The following KLHL38 variants were observed in gnomAD, a reference collection of about 807,000 sequenced individuals.
The protein encoded by KLHL38 is kelch like family member 38.
Under a neutral mutation model 39.6 loss-of-function variants are expected in KLHL38, and 38 were observed. That is an observed-to-expected ratio of 0.96 (90% CI 0.74 to 1.26). The LOEUF (loss-of-function observed/expected upper bound fraction) is 1.26. Ranked by LOEUF, KLHL38 falls within the 50% of genes most tolerant of loss-of-function variation. The pLI is 0.00. For synonymous variants in KLHL38, 322 were observed against 302.2 expected, an observed-to-expected ratio of 1.07 and a Z score of -0.68; for missense variants, 803 against 748.1, an observed-to-expected ratio of 1.07 and a Z score of -0.86.
intron 1 of KLHL38, among the ~76,000 whole-genome samples, chr8:123,653,129 G>A (rs1291261964): frequency 3.3e-5 from 5 of 152,122 alleles, no homozygotes. Flanking sequence ...GCCCTTTTGG[G>A]TTATGGTTAT....
At chr8:123,651,389 T>C (rs1812640120) in intron 2 of KLHL38, among the ~76,000 whole-genome samples, 188 bp downstream of exon 2, 1 of 152,276 alleles carries the variant, frequency 6.6e-6, no homozygotes, top group South Asian at 2.1e-4. Flanking sequence ...AATATACATT[T>C]CTGCATATAT....
At chr8:123,646,869 AAGTTTGTGTCACGCCC>A (rs1818672525) in intron 3 of KLHL38, 24 bp downstream of exon 3, 4 of 1,411,640 alleles carry the variant, frequency 2.8e-6, no homozygotes, top group Non-Finnish European at 4.0e-6. Context: ...AGAAGGTGCC[AAGTTTGTGTCACGCCC>A]AGTGATCCTC....
chr8:123,646,262 A>C (rs1414151880), intron 3 of KLHL38, among the ~76,000 whole-genome samples: 1 of 152,230 alleles, frequency 6.6e-6, no homozygotes, highest in Non-Finnish European at 1.5e-5. Context: ...CATATAAGCC[A>C]TTCTTAGATT....
At position 123,652,534 on chromosome 8, in the gene KLHL38, C is replaced by G. The variant is rs754920116; in HGVS notation, c.393G>C (p.Leu131Phe). The change falls in exon 2 of 4, where the codon TTG (leucine) becomes TTC (phenylalanine). Residue 131 changes from leucine to phenylalanine, a missense_variant. Physicochemically the swap from Leu to Phe is conservative, Grantham distance 22 (BLOSUM62 0). Coordinates refer to ENST00000684634, the MANE Select transcript of KLHL38 (RefSeq NM_001081675.3). ...TCATACCCAGGCAGTTGCTGGGGGCCAACTGGCTCTGCAAGTACGAGGAGC... is the reference window on the plus strand; with the variant it reads ...TCATACCCAGGCAGTTGCTGGGGGCGAACTGGCTCTGCAAGTACGAGGAGC... ...EACSSYLQSQ[L>F]APSNCLGMIR... 11 of 1,614,208 alleles carry G rather than the reference C, an allele frequency of 6.8e-6. No homozygotes were observed. Among genetic ancestry groups the G allele is most frequent in the Non-Finnish European group, 9.3e-6 (11 of 1,180,040 alleles).
Position 123,651,983 on chromosome 8 carries a change from A to G in KLHL38, c.944T>C (p.Leu315Pro). The G allele has an allele frequency of 6.2e-7, 1 of 1,614,244 alleles. No homozygotes were observed. Among genetic ancestry groups the G allele is most frequent in the East Asian group, 2.2e-5 (1 of 44,890 alleles). Residue 315 changes from leucine (L) to proline (P), a missense_variant, in exon 2 of 4, where the codon CTT becomes CCT. Physicochemically the swap from Leu to Pro is moderately conservative, Grantham distance 98 (BLOSUM62 -3). Coordinates refer to ENST00000684634, the MANE Select transcript of KLHL38 (RefSeq NM_001081675.3). The stretch of plus-strand genomic sequence containing the variant: ...GTACAGCCGTGTCGGGAGTTTGGCA[A>G]GGCTCTGCCATTGGCCGGTCTGTTT... ...YSKQTGQWQS[L>P]AKLPTRLYKA...
At position 123,652,144 on chromosome 8, in the gene KLHL38, A is replaced by G. The variant is rs760453731; in HGVS notation, c.783T>C (p.Ser261=). 1 of 1,614,202 alleles carries G rather than the reference A, an allele frequency of 6.2e-7. No individual in the cohort carries two copies. The highest frequency in any genetic ancestry group is 8.5e-7 in the Non-Finnish European group (1 of 1,180,036). Reference sequence around the variant, plus strand: ...AGTCTGGGACGGTGGTGCCACACAAAGAGAACATCTGTCTCTTGGCGGTCT... The same window carrying G: ...AGTCTGGGACGGTGGTGCCACACAAGGAGAACATCTGTCTCTTGGCGGTCT... The part of the protein sequence containing the change: ...ILETAKRQMF[S]LCGTTVPDCK... Residue 261 remains serine, a synonymous_variant, in exon 2 of 4, where the codon TCT becomes TCC. Coordinates refer to ENST00000684634, the MANE Select transcript of KLHL38 (RefSeq NM_001081675.3).
chr8:123,648,654 T>C lies in KLHL38; in HGVS notation c.1351-1640A>G, dbSNP rs370263545. Reference sequence around the variant, plus strand: ...CATGCTCATAATACCCCAAAGAGGCTGGGGCAAGGATAACAAAGGATGATC... The same window carrying C: ...CATGCTCATAATACCCCAAAGAGGCCGGGGCAAGGATAACAAAGGATGATC... On this transcript the variant is annotated intron_variant, in intron 2 of 3. Transcript: ENST00000684634. 1.2e-4 allele frequency among the ~76,000 whole-genome samples: 19 copies of C among 152,288 alleles called. No homozygotes were observed. In the East Asian group the frequency reaches 3.3e-3, roughly 26 times the overall value.
In KLHL38 at chr8:123,651,952, GGCCTTGTACAGCC is replaced by G. The variant is rs754827752; in HGVS notation, c.962_974del (p.Arg321ProfsTer34). Reference sequence around the variant, plus strand: ...TGCTGCGGTGCAAGGTGATGGCAGAGGCCTTGTACAGCCGTGTCGGGAGTTTGGCAAGGCTCTG... The same window carrying G: ...TGCTGCGGTGCAAGGTGATGGCAGAGGTGTCGGGAGTTTGGCAAGGCTCTG... On this transcript the variant is annotated frameshift_variant, in exon 2 of 4. Coordinates refer to ENST00000684634, the MANE Select transcript of KLHL38 (RefSeq NM_001081675.3). LOFTEE classifies it high-confidence loss of function. The G allele has an allele frequency of 3.1e-6, 5 of 1,614,154 alleles. No individual in the cohort carries two copies. The South Asian group carries it at 5.5e-5, about 18-fold the overall frequency.
rs375911922 is a variant in KLHL38 at position 123,645,016 on chromosome 8, A to AG, written c.*722dup. On this transcript the variant is annotated 3_prime_UTR_variant, in exon 4 of 4. Transcript: ENST00000684634. Reference sequence around the variant, plus strand: ...AGAGGAAAACCTAGGGATGAGAGAGAGGAAGACAGAGGGGAGACTGAGAGA... The same window carrying AG: ...AGAGGAAAACCTAGGGATGAGAGAGAGGGAAGACAGAGGGGAGACTGAGAGA... Among the ~76,000 whole-genome samples the AG allele has an allele frequency of 0.04, 5,755 of 144,768 alleles. 161 individuals carry two copies. The highest frequency in any genetic ancestry group is 0.061 in the Non-Finnish European group (4,030 of 66,494). The allele number at this position is 144,768 out of a possible 152,430, so 95.0% of individuals were successfully genotyped here.
rs1333590867 is a variant in KLHL38, at chr8:123,651,813, C to T, written c.1114G>A (p.Ala372Thr). 1.9e-6 allele frequency: 3 copies of T among 1,614,008 alleles called. No homozygotes were observed. Among genetic ancestry groups the T allele is most frequent in the Non-Finnish European group, 2.5e-6 (3 of 1,180,032 alleles). The change falls in exon 2 of 4, where the codon GCC (alanine) becomes ACC (threonine). Residue 372 changes from alanine to threonine, a missense_variant. Physicochemically the swap from Ala to Thr is moderately conservative, Grantham distance 58. Coordinates refer to ENST00000684634, the MANE Select transcript of KLHL38 (RefSeq NM_001081675.3). Reference protein sequence around the residue: ...QWRLGEPMLVARYSHRSTAHK... With the variant: ...QWRLGEPMLVTRYSHRSTAHK... ...GCAGTGCTTCTGTGGGAGTAGCGGG[C>T]CACCAGCATGGGCTCCCCCAGCCTC...
chr8:123,645,637 G>A lies in KLHL38; in HGVS notation c.*102C>T, dbSNP rs1818648543. The stretch of plus-strand genomic sequence containing the variant: ...CCCGACTCTGGTACCTCAGTCTTGT[G>A]AGCTCTCCCTGCAGCCTTTAAGGGT... On this transcript the variant is annotated 3_prime_UTR_variant, in exon 4 of 4. Transcript: ENST00000684634. 5.3e-6 allele frequency: 7 copies of A among 1,322,012 alleles called. No homozygotes were observed. The South Asian group carries it at 9.4e-5, about 18-fold the overall frequency. The allele number at this position is 1,322,012 out of a possible 1,614,324, so 81.9% of individuals were successfully genotyped here.
At chr8:123,646,430 G>A (rs1818666468) in intron 3 of KLHL38, among the ~76,000 whole-genome samples, 1 of 152,148 alleles carries the variant, frequency 6.6e-6, no homozygotes, top group African/African-American at 2.4e-5. Context: ...TCGTTTTATG[G>A]ATGGACAAAC....
intron 2 of KLHL38, among the ~76,000 whole-genome samples, chr8:123,651,181 G>A (rs982064291): frequency 2.0e-5 from 3 of 152,082 alleles, no homozygotes; most frequent in African/African-American, 7.2e-5. Flanking sequence ...GTTGGTATGT[G>A]TGTACATGGG....
chr8:123,651,787 G>A lies in KLHL38; in HGVS notation c.1140C>T (p.Ala380=), dbSNP rs770149372. ...CGATGGAGAAGATGAAGTTCTTATGGGCAGTGCTTCTGTGGGAGTAGCGGG... is the reference window on the plus strand; with the variant it reads ...CGATGGAGAAGATGAAGTTCTTATGAGCAGTGCTTCTGTGGGAGTAGCGGG... ...LVARYSHRST[A]HKNFIFSIGG... is the part of the protein sequence containing the mutation. The change falls in exon 2 of 4, where the codon GCC becomes GCT. Residue 380 remains alanine (A), a synonymous_variant. Transcript: ENST00000684634. 4 of 1,614,148 alleles carry A rather than the reference G, an allele frequency of 2.5e-6. No individual in the cohort carries two copies. In the East Asian group the frequency reaches 6.7e-5, roughly 27 times the overall value.
rs1818632168 is a variant in KLHL38, at chr8:123,645,021, G to A, written c.*718C>T. Among the ~76,000 whole-genome samples the A allele has an allele frequency of 1.5e-5, 2 of 134,066 alleles. No homozygotes were observed. The highest frequency in any genetic ancestry group is 1.5e-4 in the Admixed American group (2 of 13,098). The allele number at this position is 134,066 out of a possible 152,430, so 88.0% of individuals were successfully genotyped here. On this transcript the variant is annotated 3_prime_UTR_variant, in exon 4 of 4. Coordinates refer to ENST00000684634, the MANE Select transcript of KLHL38 (RefSeq NM_001081675.3). The stretch of plus-strand genomic sequence containing the variant: ...AAAACCTAGGGATGAGAGAGAGGAA[G>A]ACAGAGGGGAGACTGAGAGAGAGAG...
At chr8:123,648,533 G>T (rs75440359) in intron 2 of KLHL38, among the ~76,000 whole-genome samples, 1,870 of 152,276 alleles carry the variant, frequency 0.012, 38 homozygotes, top group African/African-American at 0.042. Context: ...AGCAAACACT[G>T]GTTGCATTTT....
rs1818645991 is a variant in KLHL38, at chr8:123,645,479, GACAGAC to G, written c.*254_*259del. 5.9e-6 allele frequency: 3 copies of G among 506,296 alleles called. No individual in the cohort carries two copies. The highest frequency in any genetic ancestry group is 4.8e-5 in the African/African-American group (2 of 41,338). The allele number at this position is 506,296 out of a possible 1,614,324, so 31.4% of individuals were successfully genotyped here. On this transcript the variant is annotated 3_prime_UTR_variant, in exon 4 of 4. Coordinates refer to ENST00000684634, the MANE Select transcript of KLHL38 (RefSeq NM_001081675.3). ...AGAGAGAGAGAGAGAGAGAGAGAGA[GACAGAC>G]AGAGATAGGGGAGAGAAAGAAAGAA... is the stretch of plus-strand genomic sequence containing the variant.
rs769166778 is a variant in KLHL38, at chr8:123,652,635, G to A, written c.292C>T (p.His98Tyr). ...IVSYVYTGEA[H>Y]IATDNVLPVM... The stretch of plus-strand genomic sequence containing the variant: ...GGGAGGACATTGTCAGTGGCAATAT[G>A]TGCCTCCCCCGTATACACGTAGGAG... The change falls in exon 2 of 4, where the codon CAT becomes TAT. Residue 98 changes from histidine (H) to tyrosine (Y), a missense_variant. His to Tyr is a moderately conservative substitution (Grantham distance 83, BLOSUM62 2). Coordinates refer to ENST00000684634, the MANE Select transcript of KLHL38 (RefSeq NM_001081675.3). The A allele has an allele frequency of 6.2e-7, 1 of 1,614,120 alleles. No individual in the cohort carries two copies. Among genetic ancestry groups the A allele is most frequent in the Non-Finnish European group, 8.5e-7 (1 of 1,179,972 alleles).
In KLHL38 at chr8:123,652,530, G is replaced by A. The variant is rs1248846981; in HGVS notation, c.397C>T (p.Pro133Ser). The A allele has an allele frequency of 6.2e-7, 1 of 1,614,194 alleles. No homozygotes were observed. Among genetic ancestry groups the A allele is most frequent in the East Asian group, 2.2e-5 (1 of 44,880 alleles). The change falls in exon 2 of 4, where the codon CCC becomes TCC. Residue 133 changes from proline to serine, a missense_variant. Pro to Ser is a moderately conservative substitution (Grantham distance 74). Transcript: ENST00000684634. ...CSSYLQSQLA[P>S]SNCLGMIRLS... ...CTGATCATACCCAGGCAGTTGCTGGGGGCCAACTGGCTCTGCAAGTACGAG... is the reference window on the plus strand; with the variant it reads ...CTGATCATACCCAGGCAGTTGCTGGAGGCCAACTGGCTCTGCAAGTACGAG...
Sources: gnomAD v4.1 joint callset for allele counts (sites outside exome capture counted in the v4.1 genomes callset) on GRCh38, gnomAD v4.1.1 for gene constraint, MANE v1.5 for transcripts, NCBI Gene and HGNC (gene_info 2026-07-23, HGNC 2026-07-21) for gene names.